The following DPAGT1 variants were observed in gnomAD, a reference collection of about 807,000 sequenced individuals.
The protein encoded by DPAGT1 is dolichyl-phosphate N-acetylglucosaminephosphotransferase 1.
Under a neutral mutation model 39.3 loss-of-function variants are expected in DPAGT1, and 25 were observed. The ratio of observed to expected loss-of-function variants is 0.64; its 90% CI spans 0.46 to 0.89. The LOEUF is 0.89. Among genes scored for constraint, DPAGT1 ranks in the 40% least tolerant of loss-of-function variants. DPAGT1 has a pLI of 0.00. For missense variants in DPAGT1, 381 were observed against 500.6 expected (o/e 0.76, Z 2.28); for synonymous variants, 193 against 201.4 (o/e 0.96, Z 0.36).
At position 119,101,785 on chromosome 11, in the gene DPAGT1, A is replaced by G. The variant is rs1344196990; in HGVS notation, c.-130T>C. On this transcript the variant is annotated 5_prime_UTR_variant, in exon 1 of 9. Transcript: ENST00000354202. ...GGCTCTTCCCACACCAATCTGAGCA[A>G]AACCCAGCAACTCTGACTTGAGCCG... is the stretch of plus-strand genomic sequence containing the variant. The G allele has an allele frequency of 5.8e-6, 9 of 1,551,174 alleles. No homozygotes were observed. The highest frequency in any genetic ancestry group is 7.8e-6 in the Non-Finnish European group (9 of 1,150,092).
At chr11:119,096,484 T>C (rs1421072966), downstream of DPAGT1, 1 of 183,222 alleles carries the variant, frequency 5.5e-6, no homozygotes, top group African/African-American at 2.4e-5. Context: ...AAAATGCCCA[T>C]ATAGGAAATA....
At position 119,097,888 on chromosome 11, in the gene DPAGT1, T is replaced by C. The variant is rs1242448404; in HGVS notation, c.884A>G (p.His295Arg). 8.1e-6 allele frequency: 13 copies of C among 1,614,120 alleles called. No homozygotes were observed. Among genetic ancestry groups the C allele is most frequent in the South Asian group, 1.1e-5 (1 of 91,086 alleles). The change falls in exon 6 of 9, where the codon CAT becomes CGT. Residue 295 changes from histidine (H) to arginine (R), a missense_variant. Physicochemically the swap from His to Arg is conservative, Grantham distance 29. Coordinates refer to ENST00000354202, the MANE Select transcript of DPAGT1 (RefSeq NM_001382.4). The surrounding 1 kb of genome is among the most constrained non-coding windows in gnomAD (Gnocchi z 4.6). ...NFLYSLPQLL[H>R]IIPCPRHRIP... The stretch of plus-strand genomic sequence containing the variant: ...GCGGTGGCGAGGGCAGGGGATGATA[T>C]GCAGGAGCTGAGGCAGTGAGTAGAG...
At position 119,097,781 on chromosome 11, in the gene DPAGT1, C is replaced by CT; in HGVS notation, c.917+73_917+74insA. 6.3e-7 allele frequency: 1 copy of CT among 1,599,368 alleles called. No homozygotes were observed. The highest frequency in any genetic ancestry group is 1.1e-5 in the South Asian group (1 of 90,564). On this transcript the variant is annotated intron_variant, in intron 6 of 8. Transcript: ENST00000354202. The surrounding 1 kb of genome is among the most constrained non-coding windows in gnomAD (Gnocchi z 4.6). The stretch of plus-strand genomic sequence containing the variant: ...CTTTGGGCCCACTCCCTTTGCACAG[C>CT]AAATGTATAGGCTGGCATTAGATAT...
chr11:119,098,825 T>A (rs1032164434), intron 4 of DPAGT1, among the ~76,000 whole-genome samples: 5 of 152,362 alleles, frequency 3.3e-5, no homozygotes, highest in East Asian at 3.8e-4. Context: ...CAGGGCTGAT[T>A]ATAACATCTG....
chr11:119,100,482 G>A, intron 3 of DPAGT1, 74 bp from the exon 4 acceptor site: 1 of 1,609,552 alleles, frequency 6.2e-7, no homozygotes, highest in Non-Finnish European at 8.5e-7. Context: ...TAGAAAAGTG[G>A]TGAGGACGGA....
downstream of DPAGT1, chr11:119,095,384 C>T: frequency 6.4e-7 from 1 of 1,563,496 alleles, no homozygotes; most frequent in Non-Finnish European, 8.6e-7. Flanking sequence ...AGTCTTGCCG[C>T]GGCCCGACAT....
chr11:119,097,180 G>A lies in DPAGT1; in HGVS notation c.1123C>T (p.His375Tyr), dbSNP rs759542218. Residue 375 changes from histidine (H) to tyrosine (Y), a missense_variant, in exon 8 of 9, where the codon CAT becomes TAT. Transcript: ENST00000354202. The surrounding 1 kb of genome is among the most constrained non-coding windows in gnomAD (Gnocchi z 4.6). ...AGGAGCAATGTGAGGTTTCTCTCAT[G>A]TATGGGCCCAAGGACTTTAAGTAGC... ...NLLLKVLGPI[H>Y]ERNLTLLLLL... 3.7e-6 allele frequency: 6 copies of A among 1,614,068 alleles called. No individual in the cohort carries two copies. In the African/African-American group the frequency reaches 4.0e-5, roughly 11 times the overall value.
chr11:119,100,494 G>C, intron 3 of DPAGT1, 86 bp from the exon 4 acceptor site: 9 of 1,604,600 alleles, frequency 5.6e-6, no homozygotes, highest in Non-Finnish European at 7.7e-6. Flanking sequence ...GAGGACGGAC[G>C]ATAGGATGAA....
intron 1 of DPAGT1, 54 bp downstream of exon 1, chr11:119,101,441 G>T: frequency 1.2e-6 from 2 of 1,613,236 alleles, no homozygotes; most frequent in Non-Finnish European, 1.7e-6. Flanking sequence ...CCCTGCCCTA[G>T]CCACTCCTTC....
chr11:119,101,101 G>A lies in DPAGT1; in HGVS notation c.199C>T (p.Leu67Phe). The change falls in exon 2 of 9, where the codon CTT becomes TTT. Residue 67 changes from leucine (L) to phenylalanine (F), a missense_variant. Physicochemically the swap from Leu to Phe is conservative, Grantham distance 22. Coordinates refer to ENST00000354202, the MANE Select transcript of DPAGT1 (RefSeq NM_001382.4). ...GGGATGAAGCAGAAGAGGATGATAA[G>A]GAAAACAGCACCGCTGATCACTCCC... Reference protein sequence around the residue: ...SQGVISGAVFLIILFCFIPFP... With the variant: ...SQGVISGAVFFIILFCFIPFP... 1 of 1,614,178 alleles carries A rather than the reference G, an allele frequency of 6.2e-7. No individual in the cohort carries two copies. Among genetic ancestry groups the A allele is most frequent in the South Asian group, 1.1e-5 (1 of 91,080 alleles).
rs1475939080 is a variant in DPAGT1, at chr11:119,097,252, C to T, written c.1051G>A (p.Glu351Lys). Residue 351 changes from glutamate (E) to lysine (K), a missense_variant, in exon 8 of 9, where the codon GAA becomes AAA. Glu to Lys is a moderately conservative substitution (Grantham distance 56). Transcript: ENST00000354202. The surrounding 1 kb of genome is among the most constrained non-coding windows in gnomAD (Gnocchi z 4.6). ...QLVTVHQSET[E>K]DGEFTECNNM... The stretch of plus-strand genomic sequence containing the variant: ...TTACATTCAGTGAATTCACCATCTT[C>T]AGTCTCACTCTGGTGTACTGTCACC... 2.5e-6 allele frequency: 4 copies of T among 1,614,230 alleles called. No homozygotes were observed. Among genetic ancestry groups the T allele is most frequent in the South Asian group, 2.2e-5 (2 of 91,080 alleles).
At chr11:119,094,738 C>A, downstream of DPAGT1, 1 of 506,666 alleles carries the variant, frequency 2.0e-6, no homozygotes, top group Non-Finnish European at 3.4e-6. Context: ...CAGGGCAGGG[C>A]CCGAGGCCGA....
chr11:119,096,363 G>T (rs1046279488), downstream of DPAGT1: 1 of 157,452 alleles, frequency 6.4e-6, no homozygotes, highest in African/African-American at 2.4e-5. Context: ...TATTCAATAT[G>T]TTCTGTTTGG....
At position 119,101,052 on chromosome 11, in the gene DPAGT1, A is replaced by G. The variant is rs770207946; in HGVS notation, c.248T>C (p.Val83Ala). 6.2e-7 allele frequency: 1 copy of G among 1,614,134 alleles called. No individual in the cohort carries two copies. Among genetic ancestry groups the G allele is most frequent in the African/African-American group, 1.3e-5 (1 of 75,004 alleles). The change falls in exon 2 of 9, where the codon GTG becomes GCG. Residue 83 changes from valine to alanine, a missense_variant. Val to Ala is a moderately conservative substitution (Grantham distance 64). Transcript: ENST00000354202. ...GGGGAATGCCTTACACTGCTCCTTC[A>G]CAAAGCAGTTCAGGAAGGGGAAAGG... is the stretch of plus-strand genomic sequence containing the variant. ...FIPFPFLNCF[V>A]KEQCKAFPHH...
chr11:119,095,820 A>G (rs1252574966), downstream of DPAGT1, among the ~76,000 whole-genome samples: 2 of 152,078 alleles, frequency 1.3e-5, no homozygotes, highest in African/African-American at 4.8e-5. Context: ...CCGGCGTAGG[A>G]TTTTTAAAGG....
Position 119,097,927 on chromosome 11 carries a change from T to A in DPAGT1, c.845A>T (p.Gln282Leu). 10 of 1,614,192 alleles carry A rather than the reference T, an allele frequency of 6.2e-6. No individual in the cohort carries two copies. Among genetic ancestry groups the A allele is most frequent in the Non-Finnish European group, 8.5e-6 (10 of 1,180,038 alleles). ...SKTMLLFFMP[Q>L]VFNFLYSLPQ... ...CAGTGAGTAGAGGAAGTTGAACACC[T>A]GGGGCATGAAGAATAGTAGCATGGT... The change falls in exon 6 of 9, where the codon CAG becomes CTG. Residue 282 changes from glutamine (Q) to leucine (L), a missense_variant. Physicochemically the swap from Gln to Leu is moderately radical, Grantham distance 113. Transcript: ENST00000354202. The surrounding 1 kb of genome is among the most constrained non-coding windows in gnomAD (Gnocchi z 4.6).
Position 119,096,743 on chromosome 11 carries a change from C to T in DPAGT1, c.*255G>A. 1 of 569,042 alleles carries T rather than the reference C, an allele frequency of 1.8e-6. No individual in the cohort carries two copies. Among genetic ancestry groups the T allele is most frequent in the Non-Finnish European group, 3.1e-6 (1 of 319,128 alleles). 35.2% of individuals were successfully genotyped at this position (569,042 alleles called of 1,614,324 possible). A position where few individuals can be genotyped will look rare whatever the true frequency, so the allele number is the denominator to read the frequency against. On this transcript the variant is annotated 3_prime_UTR_variant, in exon 9 of 9. Transcript: ENST00000354202. ...TGCTGTATCCCACCCTATGAGGCTG[C>T]AAAGATGGGATGGAGAGGGAGAGAG...
At position 119,098,596 on chromosome 11, in the gene DPAGT1, C is replaced by A. The variant is rs569971460; in HGVS notation, c.644-109G>T. 3.9e-5 allele frequency: 43 copies of A among 1,102,964 alleles called. No homozygotes were observed. The African/African-American group carries it at 4.8e-4, about 12-fold the overall frequency. 68.3% of individuals were successfully genotyped at this position (1,102,964 alleles called of 1,614,324 possible). Reference sequence around the variant, plus strand: ...TACAGCTGTTATCATCCACCTCACCCAAGTCACTTTTAAGAACTCAATACT... The same window carrying A: ...TACAGCTGTTATCATCCACCTCACCAAAGTCACTTTTAAGAACTCAATACT... On this transcript the variant is annotated intron_variant, in intron 4 of 8. Coordinates refer to ENST00000354202, the MANE Select transcript of DPAGT1 (RefSeq NM_001382.4).
chr11:119,100,707 T>C lies in DPAGT1; in HGVS notation c.419A>G (p.Tyr140Cys), dbSNP rs777142166. 1 of 1,614,016 alleles carries C rather than the reference T, an allele frequency of 6.2e-7. No homozygotes were observed. Among genetic ancestry groups the C allele is most frequent in the South Asian group, 1.1e-5 (1 of 91,074 alleles). Residue 140 changes from tyrosine to cysteine, a missense_variant, in exon 3 of 9, where the codon TAT becomes TGT. By Grantham distance (194) the Tyr-to-Cys change is radical. Coordinates refer to ENST00000354202, the MANE Select transcript of DPAGT1 (RefSeq NM_001382.4). The part of the protein sequence containing the change: ...TAASLPLLMV[Y>C]FTNFGNTTIV... ...GGTCGTGTTGCCAAAGTTGGTGAAA[T>C]AGACCATGAGGAGAGGTAGTGAGGC...
Sources: allele counts gnomAD v4.1 joint callset (sites outside exome capture counted in the v4.1 genomes callset), GRCh38; gene constraint gnomAD v4.1.1; non-coding constraint Gnocchi (gnomAD v3.1); transcripts MANE v1.5; gene names NCBI Gene and HGNC (gene_info 2026-07-23, HGNC 2026-07-21).